Variants in MARCHF7 observed in about 807,000 individuals in gnomAD.
MARCHF7 encodes the protein E3 ubiquitin-protein ligase MARCHF7.
Under a neutral mutation model 76.5 loss-of-function variants are expected in MARCHF7, and 20 were observed. That is an observed-to-expected ratio of 0.26 (90% CI 0.18 to 0.38). The LOEUF (loss-of-function observed/expected upper bound fraction) is 0.38. Among genes scored for constraint, MARCHF7 ranks in the 10% least tolerant of loss-of-function variants. The pLI is 1.00. For synonymous variants in MARCHF7, 295 were observed against 293.0 expected (o/e 1.01, Z -0.07); for missense variants, 797 against 812.9 (o/e 0.98, Z 0.24).
chr2:159,731,575 A>T (rs573785769), intron 4 of MARCHF7, among the ~76,000 whole-genome samples: 62 of 151,582 alleles, frequency 4.1e-4, no homozygotes, highest in African/African-American at 1.5e-3. Context: ...ACCAACATGG[A>T]GAAACCCCGT....
At chr2:159,756,364 C>G (rs1374142814) in intron 8 of MARCHF7, among the ~76,000 whole-genome samples, 2 of 152,122 alleles carry the variant, frequency 1.3e-5, no homozygotes. Context: ...ACCCTGGCTG[C>G]TGATGAGAAT....
chr2:159,748,620 G>C lies in MARCHF7; in HGVS notation c.1330G>C (p.Ala444Pro). Residue 444 changes from alanine to proline, a missense_variant, in exon 7 of 12, where the codon GCT (alanine) becomes CCT (proline). Physicochemically the swap from Ala to Pro is conservative, Grantham distance 27 (BLOSUM62 -1). Around this residue, in one of 3 missense-constraint regions of MARCHF7, gnomAD observed 643 missense variants for 631.5 expected, o/e 1.02. Coordinates refer to ENST00000409175, the MANE Select transcript of MARCHF7 (RefSeq NM_001282805.2). Reference sequence around the variant, plus strand: ...AGCACAGAATGATCCTCTTGGAGCTGCTGCCAACAGACCACAAGCATCTGC... The same window carrying C: ...AGCACAGAATGATCCTCTTGGAGCTCCTGCCAACAGACCACAAGCATCTGC... ...LEAQNDPLGA[A>P]ANRPQASAAS... is the part of the protein sequence containing the mutation. The C allele has an allele frequency of 6.2e-7, 1 of 1,614,212 alleles. No homozygotes were observed. Among genetic ancestry groups the C allele is most frequent in the African/African-American group, 1.3e-5 (1 of 75,048 alleles).
At chr2:159,749,568 G>A (rs1330582574) in intron 7 of MARCHF7, among the ~76,000 whole-genome samples, 6 of 151,504 alleles carry the variant, frequency 4.0e-5, no homozygotes, top group South Asian at 4.2e-4. Flanking sequence ...GGCTGGTCTC[G>A]AACTCCTGAC....
In MARCHF7 at chr2:159,742,247, A is replaced by AT. The variant is rs879452204; in HGVS notation, c.154-802dup. Among the ~76,000 whole-genome samples, 286 of 146,438 alleles carry AT rather than the reference A, an allele frequency of 2.0e-3. 2 individuals carry two copies. The highest frequency in any genetic ancestry group is 7.0e-3 in the Middle Eastern group (2 of 284). ...TGATGAAGAAATTTCTGATGTTAGG[A>AT]TTTTTTTTTTTTGTTTTTTAGCATA... On this transcript the variant is annotated intron_variant, in intron 4 of 11. Coordinates refer to ENST00000409175, the MANE Select transcript of MARCHF7 (RefSeq NM_001282805.2).
At chr2:159,725,535 ATT>A (rs146496079) in intron 3 of MARCHF7, among the ~76,000 whole-genome samples, 1 of 151,726 alleles carries the variant, frequency 6.6e-6, no homozygotes, top group South Asian at 2.1e-4. Context: ...GGGTTGTTTG[ATT>A]TTTTCTTACG....
intron 3 of MARCHF7, among the ~76,000 whole-genome samples, chr2:159,724,536 T>C (rs1701957659): frequency 6.6e-6 from 1 of 152,224 alleles, no homozygotes; most frequent in South Asian, 2.1e-4. Context: ...TGGTTCTGCT[T>C]TCCAGGAGGT....
At chr2:159,750,701 A>G (rs934208520) in intron 7 of MARCHF7, among the ~76,000 whole-genome samples, 3 of 152,228 alleles carry the variant, frequency 2.0e-5, no homozygotes, top group African/African-American at 4.8e-5. Flanking sequence ...TAGTCTAATT[A>G]CTTAGTATTA....
In MARCHF7 at chr2:159,769,244, C is replaced by T. The variant is rs1708054766; in HGVS notation, c.*1902C>T. The stretch of plus-strand genomic sequence containing the variant: ...GCTAGAACCAAGATGTTGAAGAAAG[C>T]AGTTTCTACATTCTGGATGTAGTAA... On this transcript the variant is annotated 3_prime_UTR_variant, in exon 12 of 12. Transcript: ENST00000409175. 1 of 152,190 alleles carries T rather than the reference C, an allele frequency of 6.6e-6. No homozygotes were observed. Among genetic ancestry groups the T allele is most frequent in the Non-Finnish European group, 1.5e-5 (1 of 68,032 alleles). The allele number at this position is 152,190 out of a possible 1,614,324, so 9.4% of individuals were successfully genotyped here.
intron 5 of MARCHF7, 81 bp from the exon 6 acceptor site, chr2:159,745,689 T>G (rs1270733034): frequency 3.4e-6 from 3 of 891,550 alleles, no homozygotes; most frequent in Non-Finnish European, 5.1e-6. Context: ...AACACTAACT[T>G]TCCTCTCTAT....
intron 6 of MARCHF7, 61 bp from the exon 7 acceptor site, chr2:159,747,744 A>C: frequency 6.8e-7 from 1 of 1,481,304 alleles, no homozygotes; most frequent in East Asian, 2.3e-5. Flanking sequence ...TCAACATAAT[A>C]AATGCAAATA....
intron 5 of MARCHF7, 21 bp downstream of exon 5, chr2:159,743,274 G>A (rs773060156): frequency 6.3e-7 from 1 of 1,599,818 alleles, no homozygotes; most frequent in Non-Finnish European, 8.5e-7. Flanking sequence ...GTTTCTGTAG[G>A]TATTTTAAGC....
chr2:159,752,542 A>G lies in MARCHF7; in HGVS notation c.1754A>G (p.Lys585Arg), dbSNP rs1409731459. 1 of 1,542,582 alleles carries G rather than the reference A, an allele frequency of 6.5e-7. No individual in the cohort carries two copies. Among genetic ancestry groups the G allele is most frequent in the Non-Finnish European group, 8.7e-7 (1 of 1,146,994 alleles). Residue 585 changes from lysine (K) to arginine (R), a missense_variant, in exon 8 of 12, where the codon AAA becomes AGA. Coordinates refer to ENST00000409175, the MANE Select transcript of MARCHF7 (RefSeq NM_001282805.2). ...SLQYVHQDCM[K>R]KWLQAKINSG... ...CAGTATGTCCACCAAGACTGTATGA[A>G]AAAGTGGTTACAGGCCAAAATTAAC...
chr2:159,723,842 C>T (rs1182615960), intron 3 of MARCHF7, among the ~76,000 whole-genome samples: 1 of 152,096 alleles, frequency 6.6e-6, no homozygotes, highest in Non-Finnish European at 1.5e-5. Context: ...AGTTGTACCA[C>T]CATCTCTACC....
Position 159,729,193 on chromosome 2 carries a change from A to G in MARCHF7, c.153+18A>G, listed in dbSNP as rs1165636278. On this transcript the variant is annotated intron_variant, in intron 4 of 11. Transcript: ENST00000409175. ...AATATCAGGTAACATTTTTATTTGG[A>G]ATATATGTATACAGCCTTTTTCAAA... 1.9e-6 allele frequency: 3 copies of G among 1,571,178 alleles called. No individual in the cohort carries two copies. In the East Asian group the frequency reaches 6.8e-5, roughly 36 times the overall value.
intron 3 of MARCHF7, among the ~76,000 whole-genome samples, chr2:159,726,280 T>C (rs1045830908): frequency 2.7e-5 from 4 of 150,482 alleles, no homozygotes; most frequent in Admixed American, 2.0e-4. Flanking sequence ...TTTTGTTTTT[T>C]GATACCGAGT....
At position 159,731,860 on chromosome 2, in the gene MARCHF7, T is replaced by G. The variant is rs547802220; in HGVS notation, c.153+2685T>G. Among the ~76,000 whole-genome samples, 41 of 152,148 alleles carry G rather than the reference T, an allele frequency of 2.7e-4. No individual in the cohort carries two copies. The South Asian group carries it at 3.7e-3, about 14-fold the overall frequency. ...TGGCTCACGCCTGTAATCCCAGCAC[T>G]TTGGGAGGCTTAGGCAGGCGGATCA... On this transcript the variant is annotated intron_variant, in intron 4 of 11. Transcript: ENST00000409175.
chr2:159,733,912 A>G, intron 4 of MARCHF7: 1 of 1,217,684 alleles, frequency 8.2e-7, no homozygotes, highest in South Asian at 4.0e-5. Flanking sequence ...GGGAAAATGT[A>G]GATTCTAAGT....
At chr2:159,737,503 G>A (rs889630218) in intron 4 of MARCHF7, among the ~76,000 whole-genome samples, 6 of 152,184 alleles carry the variant, frequency 3.9e-5, no homozygotes, top group Non-Finnish European at 5.9e-5. Context: ...AGATGGATAG[G>A]CTGGGCACAG....
intron 9 of MARCHF7, among the ~76,000 whole-genome samples, chr2:159,762,249 A>G (rs1344383394): frequency 1.3e-5 from 2 of 152,234 alleles, no homozygotes; most frequent in Non-Finnish European, 2.9e-5. Context: ...CACTCTCCCC[A>G]AGGCAGCTTG....
Sources: allele counts gnomAD v4.1 joint callset (sites outside exome capture counted in the v4.1 genomes callset), GRCh38; gene constraint gnomAD v4.1.1; regional missense constraint gnomAD v4.1.1; transcripts MANE v1.5; gene names NCBI Gene and HGNC (gene_info 2026-07-23, HGNC 2026-07-21).